The following HYAL4 variants were observed in gnomAD, a reference collection of about 807,000 sequenced individuals.
HYAL4 encodes hyaluronidase-4.
Under a neutral mutation model 35.2 loss-of-function variants are expected in HYAL4, and 37 were observed. The ratio of observed to expected loss-of-function variants is 1.05; its 90% confidence interval spans 0.81 to 1.38. The LOEUF (loss-of-function observed/expected upper bound fraction) is 1.38. HYAL4 is among the 40% of genes most tolerant of loss of function. The probability of loss-of-function intolerance (pLI) is 0.00; values close to 1 mark genes in which losing one functional copy is unlikely to be tolerated. For missense variants in HYAL4, 572 were observed against 572.4 expected, an observed-to-expected ratio of 1.00 and a Z score of 0.01; for synonymous variants, 198 against 203.2, an observed-to-expected ratio of 0.97 and a Z score of 0.22.
At chr7:123,849,614 T>C (rs536847872) in intron 2 of HYAL4, among the ~76,000 whole-genome samples, 2 of 152,290 alleles carry the variant, frequency 1.3e-5, no homozygotes, top group Admixed American at 1.3e-4. Flanking sequence ...GGCTTTCTTT[T>C]TTAAAACAAT....
intron 1 of HYAL4, among the ~76,000 whole-genome samples, chr7:123,832,476 ATACTT>A (rs1805898423): frequency 3.8e-4 from 22 of 58,476 alleles, no homozygotes; most frequent in East Asian, 1.1e-3. Flanking sequence ...CTATTGTGTC[ATACTT>A]TTTTTTTTTT....
rs1806156744 is a variant in HYAL4 at position 123,845,507 on chromosome 7, T to C, written c.-300T>C. The stretch of plus-strand genomic sequence containing the variant: ...ACAGGGGTGAGCCACCGTGCCTTGC[T>C]ATTTATGCCATCTATTTCACTGAAG... On this transcript the variant is annotated 5_prime_UTR_variant, in exon 1 of 5. Coordinates refer to ENST00000223026, the MANE Select transcript of HYAL4 (RefSeq NM_012269.3). The C allele has an allele frequency of 6.6e-6, 1 of 152,052 alleles. No individual in the cohort carries two copies. Among genetic ancestry groups the C allele is most frequent in the South Asian group, 2.1e-4 (1 of 4,824 alleles). The allele number at this position is 152,052 out of a possible 1,614,324, so 9.4% of individuals were successfully genotyped here. A position where few individuals can be genotyped will look rare whatever the true frequency, so the allele number is the denominator to read the frequency against.
chr7:123,859,924 G>A (rs1806541012), intron 2 of HYAL4, among the ~76,000 whole-genome samples: 2 of 152,038 alleles, frequency 1.3e-5, no homozygotes, highest in African/African-American at 4.8e-5. Flanking sequence ...AACCTTTTTT[G>A]AGTATCCCTC....
At chr7:123,778,629 AC>A in the HYAL4 span, among the ~76,000 whole-genome samples, 3 of 152,272 alleles carry the variant, frequency 2.0e-5, no homozygotes, top group South Asian at 4.1e-4. Flanking sequence ...CAGGAGCACA[AC>A]AAAAGTGAAG....
At chr7:123,821,669 T>A in the HYAL4 span, among the ~76,000 whole-genome samples, 1 of 152,228 alleles carries the variant, frequency 6.6e-6, no homozygotes, top group African/African-American at 2.4e-5. Flanking sequence ...TTGTCCATGT[T>A]TCTTTTTGTT....
At chr7:123,843,179 T>G (rs1806102963), upstream of HYAL4, among the ~76,000 whole-genome samples, 2 of 152,056 alleles carry the variant, frequency 1.3e-5, no homozygotes, top group Admixed American at 6.6e-5. Context: ...CAGGAGTTCT[T>G]GTAAGGCAGG....
chr7:123,816,859 T>G, the HYAL4 span, among the ~76,000 whole-genome samples: 1 of 152,184 alleles, frequency 6.6e-6, no homozygotes, highest in Non-Finnish European at 1.5e-5. Flanking sequence ...CATTTTTTTT[T>G]AAACCAGTCC....
In HYAL4 at chr7:123,833,025, A is replaced by G. The variant is rs1215598444; in HGVS notation, c.-257+3901A>G. Among the ~76,000 whole-genome samples, 4 of 152,168 alleles carry G rather than the reference A, an allele frequency of 2.6e-5. No homozygotes were observed. In the South Asian group the frequency reaches 6.2e-4, roughly 24 times the overall value. On this transcript the variant is annotated intron_variant, in intron 1 of 4. Transcript: ENST00000489978. ...TGATGGGCTTTTGGGTTGGTTCCACATATTTGCAATTGTGAATTGTGCTCC... is the reference window on the plus strand; with the variant it reads ...TGATGGGCTTTTGGGTTGGTTCCACGTATTTGCAATTGTGAATTGTGCTCC...
At chr7:123,790,186 T>A in the HYAL4 span, among the ~76,000 whole-genome samples, 1 of 152,190 alleles carries the variant, frequency 6.6e-6, no homozygotes, top group African/African-American at 2.4e-5. Flanking sequence ...CTGTCATGAA[T>A]CATGAAGACA....
intron 2 of HYAL4, among the ~76,000 whole-genome samples, chr7:123,853,740 A>G (rs1471373073): frequency 6.6e-6 from 1 of 152,224 alleles, no homozygotes; most frequent in Non-Finnish European, 1.5e-5. Context: ...TGCTGGCCTC[A>G]TAAAATGAGT....
At chr7:123,866,925 G>A (rs766221088) in intron 2 of HYAL4, among the ~76,000 whole-genome samples, 1 of 152,018 alleles carries the variant, frequency 6.6e-6, no homozygotes, top group South Asian at 2.1e-4. Context: ...TCAGTAGCTG[G>A]GACTACAGGC....
chr7:123,868,017 A>G (rs959655898), intron 2 of HYAL4, among the ~76,000 whole-genome samples: 9 of 152,178 alleles, frequency 5.9e-5, no homozygotes, highest in African/African-American at 1.9e-4. Context: ...CTGGTGCTCC[A>G]TGAATGTTTG....
intron 2 of HYAL4, among the ~76,000 whole-genome samples, chr7:123,853,131 T>G (rs1806350038): frequency 1.3e-5 from 2 of 152,174 alleles, no homozygotes; most frequent in Non-Finnish European, 2.9e-5. Flanking sequence ...TTAAGGAGAT[T>G]TTGGACTGAG....
intron 2 of HYAL4, among the ~76,000 whole-genome samples, chr7:123,866,235 C>G (rs566306823): frequency 6.6e-6 from 1 of 152,198 alleles, no homozygotes; most frequent in African/African-American, 2.4e-5. Flanking sequence ...GACAATATCT[C>G]CACTTAACAG....
the HYAL4 span, among the ~76,000 whole-genome samples, chr7:123,782,806 A>G: frequency 6.6e-6 from 1 of 152,130 alleles, no homozygotes. Flanking sequence ...AAATGTTTTT[A>G]ACTTAGTGTA....
At chr7:123,786,732 A>G in the HYAL4 span, among the ~76,000 whole-genome samples, 2 of 151,822 alleles carry the variant, frequency 1.3e-5, no homozygotes, top group Admixed American at 1.3e-4. Flanking sequence ...CTATCTATCT[A>G]TCTATCTATC....
the HYAL4 span, among the ~76,000 whole-genome samples, chr7:123,764,922 T>C: frequency 6.6e-6 from 1 of 152,306 alleles, no homozygotes; most frequent in Admixed American, 6.5e-5. Flanking sequence ...AAATTTTCTT[T>C]TGAAAGTGAC....
chr7:123,843,133 G>T (rs1806101708), upstream of HYAL4, among the ~76,000 whole-genome samples: 1 of 152,022 alleles, frequency 6.6e-6, no homozygotes, highest in Non-Finnish European at 1.5e-5. Flanking sequence ...GCAGTGGCTG[G>T]TGCCGGTTGT....
At chr7:123,794,017 A>G in the HYAL4 span, among the ~76,000 whole-genome samples, 1 of 152,216 alleles carries the variant, frequency 6.6e-6, no homozygotes, top group African/African-American at 2.4e-5. Flanking sequence ...CTTGTTGAAT[A>G]GTTTTGACCA....
Sources: allele counts gnomAD v4.1 joint callset (sites outside exome capture counted in the v4.1 genomes callset), GRCh38; gene constraint gnomAD v4.1.1; transcripts MANE v1.5; gene names NCBI Gene and HGNC (gene_info 2026-07-23, HGNC 2026-07-21).